PI4KB: variants seen among roughly 807,000 people sequenced by gnomAD.
PI4KB encodes the protein PtdIns 4-kinase beta.
In PI4KB, 23 loss-of-function variants were observed where a neutral mutation model predicts 81.4. The ratio of observed to expected loss-of-function variants is 0.28; its 90% CI spans 0.20 to 0.40. The LOEUF is 0.40. Among genes scored for constraint, PI4KB ranks in the 10% least tolerant of loss-of-function variants. The pLI is 1.00. For synonymous variants in PI4KB, 381 were observed against 406.8 expected (o/e 0.94, Z 0.76); for missense variants, 651 against 1,036.6 (o/e 0.63, Z 5.11).
intron 3 of PI4KB, among the ~76,000 whole-genome samples, chr1:151,309,735 C>G (rs1328353020): frequency 6.6e-6 from 1 of 152,074 alleles, no homozygotes; most frequent in African/African-American, 2.4e-5. Flanking sequence ...AGGCCAAGTC[C>G]TATTTGTTTT....
In PI4KB at chr1:151,305,309, A is replaced by G. The variant is rs144649301; in HGVS notation, c.1410+827T>C. On this transcript the variant is annotated intron_variant, in intron 5 of 11. Transcript: ENST00000368873. ...ACACAAAATTCTGCTCTGGCTCTTC[A>G]TGCCCCAGAATAAAGTTCAAGTTTC... is the stretch of plus-strand genomic sequence containing the variant. 4.9e-3 allele frequency among the ~76,000 whole-genome samples: 740 copies of G among 152,298 alleles called. 9 individuals carry two copies. The highest frequency in any genetic ancestry group is 0.017 in the African/African-American group (702 of 41,548).
chr1:151,299,450 G>A (rs1243389830), intron 8 of PI4KB, among the ~76,000 whole-genome samples: 3 of 152,188 alleles, frequency 2.0e-5, no homozygotes, highest in East Asian at 3.8e-4. Flanking sequence ...GGGAGACCAA[G>A]GAGGGCGGAT....
At chr1:151,293,134 C>T (rs765796459) in intron 11 of PI4KB, 101 bp from the exon 12 acceptor site, 9 of 1,535,302 alleles carry the variant, frequency 5.9e-6, no homozygotes, top group African/African-American at 2.8e-5. Flanking sequence ...TGCCCTTTTC[C>T]TCCCACCTCA....
At chr1:151,304,986 C>G (rs185691248) in intron 5 of PI4KB, among the ~76,000 whole-genome samples, 13 of 152,174 alleles carry the variant, frequency 8.5e-5, no homozygotes, top group Admixed American at 8.5e-4. Context: ...CATGCCACCA[C>G]GCCCGGCTAA....
chr1:151,324,811 C>T (rs903793034), intron 1 of PI4KB: 144 of 985,128 alleles, frequency 1.5e-4, no homozygotes, highest in Non-Finnish European at 1.6e-4. Flanking sequence ...CCTCTTGTCC[C>T]ATGCCAATTA....
At chr1:151,302,535 A>T (rs1191684185) in intron 6 of PI4KB, among the ~76,000 whole-genome samples, 1 of 151,656 alleles carries the variant, frequency 6.6e-6, no homozygotes, top group African/African-American at 2.4e-5. Flanking sequence ...AGGCTGATTC[A>T]GAATGGGTGT....
chr1:151,316,600 G>A, intron 1 of PI4KB, 91 bp from the exon 2 acceptor site: 2 of 846,552 alleles, frequency 2.4e-6, no homozygotes, highest in Non-Finnish European at 3.5e-6. Flanking sequence ...CCTTTGCTAT[G>A]ACACCTTCCC....
At chr1:151,302,476 G>C (rs114981800) in intron 6 of PI4KB, among the ~76,000 whole-genome samples, 178 bp from the exon 7 acceptor site, 1,789 of 151,868 alleles carry the variant, frequency 0.012, 38 homozygotes, top group African/African-American at 0.041. Context: ...CTAACTGATT[G>C]TAATCATGTT....
At chr1:151,293,228 T>C in intron 11 of PI4KB, 195 bp from the exon 12 acceptor site, 1 of 985,236 alleles carries the variant, frequency 1.0e-6, no homozygotes, top group Non-Finnish European at 1.2e-6. Flanking sequence ...GCCTAAGCCC[T>C]TCTGTAGGTG....
intron 2 of PI4KB, among the ~76,000 whole-genome samples, chr1:151,315,040 G>A (rs1242767226): frequency 1.3e-5 from 2 of 152,080 alleles, no homozygotes; most frequent in Non-Finnish European, 2.9e-5. Flanking sequence ...GTGCAGTGGC[G>A]CGATCTCTGG....
chr1:151,302,757 A>G (rs1177319419), intron 6 of PI4KB, among the ~76,000 whole-genome samples: 1 of 142,684 alleles, frequency 7.0e-6, no homozygotes, highest in Non-Finnish European at 1.5e-5. Flanking sequence ...TTTTTTTTGT[A>G]TTTTTTTGGT....
At chr1:151,313,499 T>C (rs1240570280) in intron 2 of PI4KB, among the ~76,000 whole-genome samples, 1 of 152,080 alleles carries the variant, frequency 6.6e-6, no homozygotes, top group Non-Finnish European at 1.5e-5. Context: ...CACTACAAAA[T>C]GGATAAAGAG....
rs1357634358 is a variant in PI4KB at position 151,316,163 on chromosome 1, C to T, written c.319G>A (p.Ala107Thr). 24 of 1,613,788 alleles carry T rather than the reference C, an allele frequency of 1.5e-5. No individual in the cohort carries two copies. Among genetic ancestry groups the T allele is most frequent in the Non-Finnish European group, 1.9e-5 (22 of 1,179,866 alleles). Reference sequence around the variant, plus strand: ...CCTTTGGCTGTGCCTGAGGCCACAGCGGCCCCCATCTCATCTTCCTCCTCC... The same window carrying T: ...CCTTTGGCTGTGCCTGAGGCCACAGTGGCCCCCATCTCATCTTCCTCCTCC... The part of the protein sequence containing the change: ...IREEEDEMGA[A>T]VASGTAKGAR... Residue 107 changes from alanine (A) to threonine (T), a missense_variant, in exon 2 of 12, where the codon GCT becomes ACT. By Grantham distance (58) the Ala-to-Thr change is moderately conservative. Transcript: ENST00000368873.
At chr1:151,310,289 GGGGGTGGGAAGGGA>G in intron 2 of PI4KB, 34 bp from the exon 3 acceptor site, 1 of 1,379,520 alleles carries the variant, frequency 7.2e-7, no homozygotes, top group African/African-American at 1.4e-5. Flanking sequence ...GGGAGAAGGA[GGGGGTGGGAAGGGA>G]GGGGAGAGAG....
intron 1 of PI4KB, among the ~76,000 whole-genome samples, chr1:151,319,575 G>A (rs1648543008): frequency 6.6e-6 from 1 of 152,202 alleles, no homozygotes; most frequent in Non-Finnish European, 1.5e-5. Context: ...AGGAACAGGA[G>A]TCACAAAACA....
intron 8 of PI4KB, among the ~76,000 whole-genome samples, chr1:151,301,521 CG>C (rs1695278613): frequency 1.3e-5 from 2 of 152,358 alleles, no homozygotes; most frequent in South Asian, 2.1e-4. Flanking sequence ...CCTCAGCCTC[CG>C]GAGTAGCTGG....
intron 6 of PI4KB, among the ~76,000 whole-genome samples, chr1:151,303,016 T>A (rs1695429158): frequency 6.9e-6 from 1 of 144,702 alleles, no homozygotes; most frequent in South Asian, 2.2e-4. Flanking sequence ...TTTTTTTTTT[T>A]GAGACGGAGT....
chr1:151,296,138 C>T (rs1694769394), intron 9 of PI4KB, among the ~76,000 whole-genome samples: 1 of 152,098 alleles, frequency 6.6e-6, no homozygotes, highest in Admixed American at 6.6e-5. Context: ...CCCAGCTAAT[C>T]AGGAGGCTGA....
In PI4KB at chr1:151,315,787, C is replaced by T. The variant is rs370367124; in HGVS notation, c.695G>A (p.Arg232His). 6.8e-6 allele frequency: 11 copies of T among 1,612,352 alleles called. No homozygotes were observed. The highest frequency in any genetic ancestry group is 8.5e-6 in the Non-Finnish European group (10 of 1,178,982). The part of the protein sequence containing the change: ...DMHISTQRHS[R>H]GTKLRKLILS... ...GATCAGCTTCCGTAGCTTGGTCCCA[C>T]GGGAGTGTCGTTGAGTGGAAATGTG... Residue 232 changes from arginine to histidine, a missense_variant, in exon 2 of 12, where the codon CGT (arginine) becomes CAT (histidine). Physicochemically the swap from Arg to His is conservative, Grantham distance 29. This residue lies in a region of PI4KB where 314 missense variants were observed against 397.8 expected (regional missense o/e 0.79). Coordinates refer to ENST00000368873, the MANE Select transcript of PI4KB (RefSeq NM_001369623.2).
Sources: allele counts gnomAD v4.1 joint callset (sites outside exome capture counted in the v4.1 genomes callset), GRCh38; gene constraint gnomAD v4.1.1; regional missense constraint gnomAD v4.1.1; transcripts MANE v1.5; gene names NCBI Gene and HGNC (gene_info 2026-07-23, HGNC 2026-07-21).